Variants in ZFP41 observed in about 807,000 individuals in gnomAD.
The protein encoded by ZFP41 is ZFP41 zinc finger protein.
ZFP41 carries 10 observed loss-of-function variants against 11.6 expected under a neutral mutation model. The observed-to-expected ratio is 0.86, with a 90% CI of 0.53 to 1.47. The LOEUF is 1.47. Among genes scored for constraint, ZFP41 ranks in the 40% most tolerant of loss-of-function variants. ZFP41 has a pLI of 0.00. For synonymous variants in ZFP41, 123 were observed against 100.9 expected (o/e 1.22, Z -1.31); for missense variants, 302 against 264.6 (o/e 1.14, Z -0.98).
At chr8:143,251,516 T>C (rs1489371219) in intron 2 of ZFP41, among the ~76,000 whole-genome samples, 176 bp downstream of exon 2, 1 of 152,210 alleles carries the variant, frequency 6.6e-6, no homozygotes, top group Non-Finnish European at 1.5e-5. Flanking sequence ...GGTAAGGTTT[T>C]TTATTGGGAA....
intron 2 of ZFP41, among the ~76,000 whole-genome samples, chr8:143,254,001 C>T (rs772158577): frequency 6.6e-6 from 1 of 152,136 alleles, no homozygotes; most frequent in African/African-American, 2.4e-5. Flanking sequence ...CGGTGGGGTT[C>T]GTGGTCCAGT....
In ZFP41 at chr8:143,261,507, G is replaced by C. The variant is rs556441382; in HGVS notation, c.*2633G>C. The C allele has an allele frequency of 5.9e-5, 9 of 152,822 alleles. No homozygotes were observed. Among genetic ancestry groups the C allele is most frequent in the Middle Eastern group, 3.4e-3 (1 of 296 alleles). The allele number at this position is 152,822 out of a possible 1,614,324, so 9.5% of individuals were successfully genotyped here. On this transcript the variant is annotated 3_prime_UTR_variant, in exon 3 of 3. Coordinates refer to ENST00000330701, the MANE Select transcript of ZFP41 (RefSeq NM_173832.6). ...GGATGGGGCCGGCAGGGAGCCTCAC[G>C]CTTACAGAGCCTGGTGTTGGCACTC...
chr8:143,250,506 C>T lies in ZFP41; in HGVS notation c.*66C>T, dbSNP rs867862920. On this transcript the variant is annotated 3_prime_UTR_variant, in exon 2 of 3. Coordinates refer to ENST00000330701, the MANE Select transcript of ZFP41 (RefSeq NM_173832.6). ...TCGCCGGACACCTGCTCCGTGGCTC[C>T]CTCGTGTCCCGCGTCTGATGGGGGC... The T allele has an allele frequency of 1.3e-6, 2 of 1,557,766 alleles. No individual in the cohort carries two copies.
chr8:143,247,074 T>A lies in ZFP41; in HGVS notation c.-223T>A. ...CGCGCCTCTCCCCGCCCTCCAGCAG[T>A]CCTGGTAGGGCCCGGGCGCGTCCGC... On this transcript the variant is annotated 5_prime_UTR_variant, in exon 1 of 3. Transcript: ENST00000330701. 6.6e-6 allele frequency: 1 copy of A among 152,574 alleles called. No individual in the cohort carries two copies. The highest frequency in any genetic ancestry group is 1.5e-5 in the Non-Finnish European group (1 of 68,282). 9.5% of individuals were successfully genotyped at this position (152,574 alleles called of 1,614,324 possible).
At chr8:143,256,909 T>C (rs1171857563) in intron 2 of ZFP41, among the ~76,000 whole-genome samples, 1 of 152,234 alleles carries the variant, frequency 6.6e-6, no homozygotes, top group Admixed American at 6.5e-5. Context: ...GAATTCCTGA[T>C]GTCATAGCAA....
chr8:143,258,492 G>T (rs1324477816), intron 2 of ZFP41, among the ~76,000 whole-genome samples: 1 of 152,230 alleles, frequency 6.6e-6, no homozygotes, highest in Non-Finnish European at 1.5e-5. Context: ...GTGTGAGCAA[G>T]AAGGGGAGGC....
At chr8:143,257,523 A>G (rs1275512073) in intron 2 of ZFP41, among the ~76,000 whole-genome samples, 1 of 152,226 alleles carries the variant, frequency 6.6e-6, no homozygotes, top group East Asian at 1.9e-4. Context: ...TAAATAAGTA[A>G]ATAAAGCCAC....
intron 2 of ZFP41, chr8:143,252,827 C>T (rs1013466202): frequency 6.2e-6 from 1 of 160,524 alleles, no homozygotes; most frequent in Non-Finnish European, 1.3e-5. Context: ...GCCTCAGCCT[C>T]ACCTAGATAG....
In ZFP41 at chr8:143,261,844, CCCTGCCCGCACCCGCACCCCTGCA is replaced by C. The variant is rs1815047676; in HGVS notation, c.*2977_*3000del. 6.0e-6 allele frequency: 1 copy of C among 167,760 alleles called. No individual in the cohort carries two copies. Among genetic ancestry groups the C allele is most frequent in the African/African-American group, 3.8e-5 (1 of 26,272 alleles). 10.4% of individuals were successfully genotyped at this position (167,760 alleles called of 1,614,324 possible). A position where few individuals can be genotyped will look rare whatever the true frequency, so the allele number is the denominator to read the frequency against. ...ACCTGCCACGCCTGTCTCCGGCAGCCCCTGCCCGCACCCGCACCCCTGCACCTGCCACGCCCGTCTCCGGCAGCA... is the reference window on the plus strand; with the variant it reads ...ACCTGCCACGCCTGTCTCCGGCAGCCCCTGCCACGCCCGTCTCCGGCAGCA... On this transcript the variant is annotated 3_prime_UTR_variant, in exon 3 of 3. Coordinates refer to ENST00000330701, the MANE Select transcript of ZFP41 (RefSeq NM_173832.6).
At chr8:143,255,764 C>G (rs1814895631) in intron 2 of ZFP41, among the ~76,000 whole-genome samples, 1 of 116,826 alleles carries the variant, frequency 8.6e-6, no homozygotes, top group East Asian at 2.7e-4. Context: ...CAGGGCTCTC[C>G]CCGCGTGCTA....
chr8:143,259,669 A>G (rs1176063001), intron 2 of ZFP41, 106 bp from the exon 3 acceptor site: 1 of 151,324 alleles, frequency 6.6e-6, no homozygotes, highest in Admixed American at 6.6e-5. Context: ...ACTCAACCCA[A>G]ATTTAAGCCA....
In ZFP41 at chr8:143,251,182, C is replaced by T. The variant is rs1814739371; in HGVS notation, c.*742C>T. The T allele has an allele frequency of 6.0e-6, 1 of 167,342 alleles. No homozygotes were observed. The highest frequency in any genetic ancestry group is 2.1e-4 in the South Asian group (1 of 4,834). The allele number at this position is 167,342 out of a possible 1,614,324, so 10.4% of individuals were successfully genotyped here. On this transcript the variant is annotated 3_prime_UTR_variant, in exon 2 of 3. Transcript: ENST00000330701. ...CTGGATGGACTTGGGACAAAGGTTC[C>T]TCAGGACCTTGGACACCACCACCTG...
chr8:143,250,570 C>G lies in ZFP41; in HGVS notation c.*130C>G. 6.9e-7 allele frequency: 1 copy of G among 1,442,204 alleles called. No individual in the cohort carries two copies. The highest frequency in any genetic ancestry group is 9.3e-7 in the Non-Finnish European group (1 of 1,078,684). The allele number at this position is 1,442,204 out of a possible 1,614,324, so 89.3% of individuals were successfully genotyped here. A position where few individuals can be genotyped will look rare whatever the true frequency, so the allele number is the denominator to read the frequency against. On this transcript the variant is annotated 3_prime_UTR_variant, in exon 2 of 3. Transcript: ENST00000330701. Reference sequence around the variant, plus strand: ...CACTGTGTTCCGTGCCCTGGGGACCCCCGGAAAAGCAGCCCAGTCAGATGT... The same window carrying G: ...CACTGTGTTCCGTGCCCTGGGGACCGCCGGAAAAGCAGCCCAGTCAGATGT...
At position 143,249,733 on chromosome 8, in the gene ZFP41, A is replaced by C; in HGVS notation, c.-111A>C. 7 of 1,452,756 alleles carry C rather than the reference A, an allele frequency of 4.8e-6. No homozygotes were observed. Among genetic ancestry groups the C allele is most frequent in the Non-Finnish European group, 6.4e-6 (7 of 1,101,000 alleles). The allele number at this position is 1,452,756 out of a possible 1,614,324, so 90.0% of individuals were successfully genotyped here. A position where few individuals can be genotyped will look rare whatever the true frequency, so the allele number is the denominator to read the frequency against. On this transcript the variant is annotated 5_prime_UTR_variant, in exon 2 of 3. Coordinates refer to ENST00000330701, the MANE Select transcript of ZFP41 (RefSeq NM_173832.6). The stretch of plus-strand genomic sequence containing the variant: ...CCTTGGCCTCCTGGTGCAGAGCATC[A>C]GTCCCACGCTGGGAGTGTGGAGAGG...
Position 143,260,630 on chromosome 8 carries a change from A to G in ZFP41, c.*1756A>G, listed in dbSNP as rs894621835. 5.5e-6 allele frequency: 1 copy of G among 183,058 alleles called. No homozygotes were observed. The highest frequency in any genetic ancestry group is 1.2e-5 in the Non-Finnish European group (1 of 85,644). The allele number at this position is 183,058 out of a possible 1,614,324, so 11.3% of individuals were successfully genotyped here. ...CCTCCTGGGCCGCCCTGACCAGCAG[A>G]CACCATCCTTCCAGCCTCTCTTGGC... On this transcript the variant is annotated 3_prime_UTR_variant, in exon 3 of 3. Transcript: ENST00000330701.
At chr8:143,254,656 CAG>C (rs1315362503) in intron 2 of ZFP41, among the ~76,000 whole-genome samples, 1 of 116,480 alleles carries the variant, frequency 8.6e-6, no homozygotes, top group Non-Finnish European at 1.7e-5. Context: ...TTTTTTGAGA[CAG>C]AGTCTCATTC....
chr8:143,255,428 C>T (rs1421215704), intron 2 of ZFP41, among the ~76,000 whole-genome samples: 1 of 151,754 alleles, frequency 6.6e-6, no homozygotes, highest in East Asian at 1.9e-4. Context: ...GAGCTCGCCC[C>T]GCGTGCTGGT....
At chr8:143,254,406 C>T (rs915773595) in intron 2 of ZFP41, among the ~76,000 whole-genome samples, 2 of 152,132 alleles carry the variant, frequency 1.3e-5, no homozygotes, top group African/African-American at 2.4e-5. Flanking sequence ...GTCAGGAACT[C>T]GGACACAAGA....
chr8:143,252,702 A>G (rs1331897778), intron 2 of ZFP41: 6 of 923,246 alleles, frequency 6.5e-6, no homozygotes, highest in Non-Finnish European at 6.5e-6. Context: ...ACTGTGTCTC[A>G]CACTATTGGG....
Sources: gnomAD v4.1 joint callset for allele counts (sites outside exome capture counted in the v4.1 genomes callset) on GRCh38, gnomAD v4.1.1 for gene constraint, MANE v1.5 for transcripts, NCBI Gene and HGNC (gene_info 2026-07-23, HGNC 2026-07-21) for gene names.